SOX5: variants seen among roughly 807,000 people sequenced by gnomAD.
SOX5 encodes SRY-box transcription factor 5.
A neutral mutation model predicts 92.0 loss-of-function variants in SOX5; 9 were observed. The observed-to-expected ratio is 0.10, with a 90% CI of 0.06 to 0.17. The LOEUF is 0.17. SOX5 is among the 10% of genes least tolerant of loss of function. The pLI, the probability that SOX5 is intolerant of heterozygous loss-of-function variation, is 1.00. For synonymous variants in SOX5, 344 were observed against 336.3 expected, an observed-to-expected ratio of 1.02 and a Z score of -0.25; for missense variants, 642 against 944.5, an observed-to-expected ratio of 0.68 and a Z score of 4.20.
intron 4 of SOX5, among the ~76,000 whole-genome samples, chr12:24,165,257 G>A (rs1049350830): frequency 6.6e-6 from 1 of 152,018 alleles, no homozygotes; most frequent in Non-Finnish European, 1.5e-5. Context: ...TGAGTGCCTA[G>A]TATGTATAAA....
At chr12:24,177,065 G>T (rs528502010) in intron 4 of SOX5, among the ~76,000 whole-genome samples, 5 of 147,218 alleles carry the variant, frequency 3.4e-5, no homozygotes, top group Non-Finnish European at 7.4e-5. Context: ...TCAAATCCAT[G>T]TTGTGTTTGA....
At chr12:24,146,515 C>T (rs1951097199) in intron 4 of SOX5, among the ~76,000 whole-genome samples, 2 of 151,940 alleles carry the variant, frequency 1.3e-5, no homozygotes, top group South Asian at 4.1e-4. Flanking sequence ...CTTTCAATGT[C>T]TATACTATTT....
intron 2 of SOX5, among the ~76,000 whole-genome samples, chr12:23,861,064 A>T (rs1238393626): frequency 4.6e-5 from 7 of 152,094 alleles, no homozygotes; most frequent in African/African-American, 1.7e-4. Context: ...CTCTAGAACA[A>T]CAAAGTAAGA....
intron 4 of SOX5, among the ~76,000 whole-genome samples, chr12:23,988,540 G>A (rs879276764): frequency 2.0e-5 from 3 of 152,202 alleles, no homozygotes; most frequent in Non-Finnish European, 4.4e-5. Context: ...AGTGATGTGG[G>A]AGAGAGGAAT....
At chr12:23,692,572 A>G (rs2089059718) in intron 6 of SOX5, among the ~76,000 whole-genome samples, 1 of 152,236 alleles carries the variant, frequency 6.6e-6, no homozygotes, top group Non-Finnish European at 1.5e-5. Flanking sequence ...TTAAAATATA[A>G]CCAGTATTTT....
chr12:24,050,435 G>C (rs1270455945), intron 4 of SOX5, among the ~76,000 whole-genome samples: 1 of 151,848 alleles, frequency 6.6e-6, no homozygotes, highest in Non-Finnish European at 1.5e-5. Context: ...AAATGTGAGG[G>C]TCTGTTTATA....
chr12:24,106,123 A>G (rs1279359807), intron 4 of SOX5, among the ~76,000 whole-genome samples: 1 of 152,110 alleles, frequency 6.6e-6, no homozygotes, highest in African/African-American at 2.4e-5. Context: ...ATGTTACAAA[A>G]TGAAAAGACA....
intron 4 of SOX5, among the ~76,000 whole-genome samples, chr12:24,191,806 A>T (rs146753524): frequency 2.6e-5 from 4 of 152,320 alleles, no homozygotes; most frequent in African/African-American, 9.6e-5. Context: ...AGATATGGTA[A>T]GATTATGAAC....
chr12:23,592,235 AT>A (rs1420102258), intron 9 of SOX5, among the ~76,000 whole-genome samples: 1 of 152,126 alleles, frequency 6.6e-6, no homozygotes, highest in Non-Finnish European at 1.5e-5. Flanking sequence ...TTGAGTATAC[AT>A]TTTTTCTTTC....
chr12:24,307,504 A>AG (rs1565874120), intron 2 of SOX5, among the ~76,000 whole-genome samples: 532 of 36,040 alleles, frequency 0.015, 82 homozygotes, highest in East Asian at 0.058. Context: ...GAAGGAAGGA[A>AG]GGAAGGAAGG....
intron 7 of SOX5, among the ~76,000 whole-genome samples, chr12:23,663,631 T>C (rs943804333): frequency 1.3e-5 from 2 of 151,414 alleles, no homozygotes; most frequent in African/African-American, 2.5e-5. Context: ...TTAGAAAGTG[T>C]CTTTTTTTTG....
rs199947763 is a variant in SOX5, at chr12:23,774,667, C to T, written c.482-18943G>A. 2.6e-4 allele frequency among the ~76,000 whole-genome samples: 40 copies of T among 152,150 alleles called. 1 individual carries two copies. In the East Asian group the frequency reaches 7.1e-3, roughly 27 times the overall value. ...GCATAGCAAAGAGAGAAAGTAAAGGCAAATGAGAAATTCTTCACATTCTAT... is the reference window on the plus strand; with the variant it reads ...GCATAGCAAAGAGAGAAAGTAAAGGTAAATGAGAAATTCTTCACATTCTAT... On this transcript the variant is annotated intron_variant, in intron 3 of 14. Transcript: ENST00000451604.
At chr12:23,724,361 T>C (rs529105756) in intron 6 of SOX5, among the ~76,000 whole-genome samples, 1 of 152,268 alleles carries the variant, frequency 6.6e-6, no homozygotes, top group South Asian at 2.1e-4. Context: ...TGAATTCTTG[T>C]GCTAATAATG....
chr12:24,424,631 A>G (rs1966428612), intron 1 of SOX5, among the ~76,000 whole-genome samples: 2 of 151,766 alleles, frequency 1.3e-5, no homozygotes, highest in African/African-American at 4.8e-5. Context: ...TGTTGTAACG[A>G]CCTCTGCACT....
At chr12:23,951,974 T>A (rs1471100950), upstream of SOX5, among the ~76,000 whole-genome samples, 2 of 152,194 alleles carry the variant, frequency 1.3e-5, no homozygotes, top group East Asian at 3.8e-4. Context: ...GGACCTACAA[T>A]CTAATATACT....
At chr12:24,176,936 G>C (rs956813459) in intron 4 of SOX5, among the ~76,000 whole-genome samples, 4 of 149,576 alleles carry the variant, frequency 2.7e-5, no homozygotes, top group Non-Finnish European at 5.9e-5. Context: ...GTAATTTGTA[G>C]TACTTCATAC....
intron 3 of SOX5, among the ~76,000 whole-genome samples, chr12:23,778,098 C>T (rs1209947947): frequency 6.6e-6 from 1 of 152,196 alleles, no homozygotes; most frequent in Non-Finnish European, 1.5e-5. Flanking sequence ...ATGGAAACTT[C>T]CTGAGGTATT....
intron 3 of SOX5, among the ~76,000 whole-genome samples, chr12:24,252,778 C>T (rs958957030): frequency 2.6e-5 from 4 of 152,046 alleles, no homozygotes; most frequent in African/African-American, 7.2e-5. Flanking sequence ...GTGCTCCACA[C>T]GATCTAATCA....
chr12:23,823,609 A>G (rs888518542), intron 3 of SOX5, among the ~76,000 whole-genome samples: 1 of 152,058 alleles, frequency 6.6e-6, no homozygotes, highest in African/African-American at 2.4e-5. Context: ...TTGCTCTTCT[A>G]GAGCAGTATC....
Sources: allele counts gnomAD v4.1 joint callset (sites outside exome capture counted in the v4.1 genomes callset), GRCh38; gene constraint gnomAD v4.1.1; transcripts MANE v1.5; gene names NCBI Gene and HGNC (gene_info 2026-07-23, HGNC 2026-07-21).